Variants in TEAD1 observed in about 807,000 individuals in gnomAD.
The protein encoded by TEAD1 is transcriptional enhancer factor TEF-1.
A neutral mutation model predicts 54.9 loss-of-function variants in TEAD1; 9 were observed. That is an observed-to-expected ratio of 0.16 (90% CI 0.10 to 0.29). The LOEUF (loss-of-function observed/expected upper bound fraction) is 0.29, where lower values mean the gene tolerates loss of function less well. Ranked by LOEUF, TEAD1 falls within the 10% of genes least tolerant of loss-of-function variation. TEAD1 has a pLI of 1.00. For missense variants in TEAD1, 387 were observed against 535.9 expected, an observed-to-expected ratio of 0.72 and a Z score of 2.74; for synonymous variants, 200 against 187.8, an observed-to-expected ratio of 1.07 and a Z score of -0.53.
intron 3 of TEAD1, among the ~76,000 whole-genome samples, chr11:12,825,178 TA>T (rs1219037450): frequency 2.0e-5 from 3 of 152,190 alleles, no homozygotes; most frequent in Non-Finnish European, 4.4e-5. Context: ...GGCTTCCTGT[TA>T]AGATCTGAAG....
At chr11:12,834,118 G>A (rs1258293308) in intron 3 of TEAD1, among the ~76,000 whole-genome samples, 2 of 152,224 alleles carry the variant, frequency 1.3e-5, no homozygotes, top group African/African-American at 4.8e-5. Flanking sequence ...ATGTGAATAA[G>A]TGGCTGACGA....
chr11:12,771,693 G>A (rs1945314405), intron 3 of TEAD1, among the ~76,000 whole-genome samples: 1 of 152,150 alleles, frequency 6.6e-6, no homozygotes, highest in Admixed American at 6.5e-5. Context: ...CCTGCCTAGA[G>A]CTCAGTCAGA....
intron 2 of TEAD1, among the ~76,000 whole-genome samples, chr11:12,749,066 A>C (rs1179508342): frequency 6.6e-6 from 1 of 152,060 alleles, no homozygotes; most frequent in African/African-American, 2.4e-5. Flanking sequence ...TTACAGATAG[A>C]TCCTTAATCA....
At chr11:12,826,635 A>G (rs950454232) in intron 3 of TEAD1, among the ~76,000 whole-genome samples, 2 of 152,236 alleles carry the variant, frequency 1.3e-5, no homozygotes, top group African/African-American at 2.4e-5. Context: ...TGGGTCAGTT[A>G]CTTAACTCCA....
intron 3 of TEAD1, among the ~76,000 whole-genome samples, chr11:12,769,762 C>T (rs951943057): frequency 4.6e-5 from 7 of 152,214 alleles, no homozygotes; most frequent in Admixed American, 4.6e-4. Context: ...TGGTTAGAAG[C>T]GTGAAACAAA....
intron 3 of TEAD1, among the ~76,000 whole-genome samples, chr11:12,826,366 A>G (rs1287710040): frequency 2.0e-5 from 3 of 152,210 alleles, no homozygotes; most frequent in Non-Finnish European, 2.9e-5. Context: ...GGAGAAGTAC[A>G]TAAAGTTGTG....
intron 4 of TEAD1, among the ~76,000 whole-genome samples, chr11:12,863,846 A>G (rs1256081397): frequency 6.6e-6 from 1 of 152,164 alleles, no homozygotes; most frequent in Non-Finnish European, 1.5e-5. Context: ...GGGCTCGGCT[A>G]CATTTCCACG....
At chr11:12,821,923 TC>T (rs1946554238) in intron 3 of TEAD1, among the ~76,000 whole-genome samples, 1 of 149,458 alleles carries the variant, frequency 6.7e-6, no homozygotes, top group Non-Finnish European at 1.5e-5. Context: ...CTTTTCTCTT[TC>T]CTCTTTTCCT....
chr11:12,902,101 C>T lies in TEAD1; in HGVS notation c.861C>T (p.Leu287=), dbSNP rs201373762. 6 of 1,614,096 alleles carry T rather than the reference C, an allele frequency of 3.7e-6. No individual in the cohort carries two copies. The highest frequency in any genetic ancestry group is 1.7e-5 in the Admixed American group (1 of 59,998). ...AGGGCCCTCAAAATGCCTTCTTCCT[C>T]GTAAAATTCTGGGTGAGTAAGACAT... Residue 287 remains leucine, a synonymous_variant, in exon 10 of 13, where the codon CTC becomes CTT. Transcript: ENST00000527636.
At chr11:12,931,302 A>G (rs1265414552) in intron 12 of TEAD1, among the ~76,000 whole-genome samples, 1 of 152,220 alleles carries the variant, frequency 6.6e-6, no homozygotes, top group Non-Finnish European at 1.5e-5. Context: ...TCCTCAAAAT[A>G]GAAAATACTC....
chr11:12,682,642 C>T (rs1943246385), intron 2 of TEAD1, among the ~76,000 whole-genome samples: 1 of 152,098 alleles, frequency 6.6e-6, no homozygotes. Flanking sequence ...ACTTTGAAAT[C>T]CAGATGCTCC....
chr11:12,887,115 GAC>G (rs1948107202), intron 9 of TEAD1, among the ~76,000 whole-genome samples: 1 of 131,424 alleles, frequency 7.6e-6, no homozygotes. Context: ...TTTTTTTGGA[GAC>G]ACAGAGTCTT....
intron 2 of TEAD1, among the ~76,000 whole-genome samples, chr11:12,693,380 A>G (rs1316552800): frequency 6.6e-6 from 1 of 152,122 alleles, no homozygotes; most frequent in Non-Finnish European, 1.5e-5. Context: ...CTCACTCTGA[A>G]CTCTGGTTTG....
intron 3 of TEAD1, among the ~76,000 whole-genome samples, chr11:12,833,791 CT>C (rs1401086287): frequency 5.9e-5 from 9 of 152,102 alleles, no homozygotes; most frequent in Non-Finnish European, 1.2e-4. Flanking sequence ...TTAGTATGCT[CT>C]TTCTTTAATT....
At chr11:12,806,825 C>G (rs559312144) in intron 3 of TEAD1, among the ~76,000 whole-genome samples, 1 of 152,146 alleles carries the variant, frequency 6.6e-6, no homozygotes, top group Non-Finnish European at 1.5e-5. Flanking sequence ...TTTGAATTCT[C>G]TCATACTTGA....
intron 5 of TEAD1, chr11:12,879,376 A>G (rs1295480826): frequency 1.7e-6 from 1 of 577,150 alleles, no homozygotes; most frequent in Non-Finnish European, 3.1e-6. Flanking sequence ...TCTTCCTTAA[A>G]TGTTTTAAGT....
At chr11:12,798,536 A>G (rs530403712) in intron 3 of TEAD1, among the ~76,000 whole-genome samples, 43 of 152,302 alleles carry the variant, frequency 2.8e-4, no homozygotes, top group African/African-American at 9.4e-4. Flanking sequence ...ACTCCTCTGC[A>G]CCCAGTCGGA....
At chr11:12,749,823 C>T (rs772745094) in intron 2 of TEAD1, among the ~76,000 whole-genome samples, 1 of 152,158 alleles carries the variant, frequency 6.6e-6, no homozygotes, top group African/African-American at 2.4e-5. Context: ...CTCACTTATC[C>T]TGCCTCAGCC....
At chr11:12,855,568 A>G (rs1347544598) in intron 3 of TEAD1, among the ~76,000 whole-genome samples, 2 of 151,448 alleles carry the variant, frequency 1.3e-5, no homozygotes, top group Non-Finnish European at 2.9e-5. Flanking sequence ...GATTACAGGC[A>G]TGAGCCATTG....
Sources: gnomAD v4.1 joint callset for allele counts (sites outside exome capture counted in the v4.1 genomes callset) on GRCh38, gnomAD v4.1.1 for gene constraint, MANE v1.5 for transcripts, NCBI Gene and HGNC (gene_info 2026-07-23, HGNC 2026-07-21) for gene names.